Variants in MANBA observed in about 807,000 individuals in gnomAD.
The protein encoded by MANBA is beta-mannosidase.
MANBA carries 83 observed loss-of-function variants against 111.1 expected under a neutral mutation model. The ratio of observed to expected loss-of-function variants is 0.75; its 90% CI spans 0.63 to 0.90. MANBA has a LOEUF of 0.90. Among genes scored for constraint, MANBA ranks in the 40% least tolerant of loss-of-function variants. MANBA has a pLI of 0.00. For missense variants in MANBA, 1,036 were observed against 1,069.0 expected (o/e 0.97, Z 0.43); for synonymous variants, 370 against 378.7 (o/e 0.98, Z 0.27).
At chr4:102,713,707 G>A (rs1722182596) in intron 5 of MANBA, among the ~76,000 whole-genome samples, 1 of 152,060 alleles carries the variant, frequency 6.6e-6, no homozygotes, top group African/African-American at 2.4e-5. Flanking sequence ...TTCGAGACTG[G>A]CCAATATGGA....
intron 1 of MANBA, chr4:102,727,325 G>C: frequency 1.5e-6 from 1 of 667,526 alleles, no homozygotes; most frequent in Non-Finnish European, 2.7e-6. Context: ...CATTGATATA[G>C]TTCTCAGTTT....
intron 1 of MANBA, among the ~76,000 whole-genome samples, chr4:102,759,086 T>C (rs1724134585): frequency 6.6e-6 from 1 of 152,178 alleles, no homozygotes; most frequent in Non-Finnish European, 1.5e-5. Context: ...GGCACAATAA[T>C]CTGACTTACT....
intron 1 of MANBA, chr4:102,730,718 C>T (rs1723002619): frequency 1.9e-6 from 1 of 527,930 alleles, no homozygotes; most frequent in Non-Finnish European, 3.8e-6. Context: ...GGATTCCCTA[C>T]AGATAGATGC....
At chr4:102,663,231 T>C (rs959340267) in intron 11 of MANBA, among the ~76,000 whole-genome samples, 1 of 152,162 alleles carries the variant, frequency 6.6e-6, no homozygotes, top group African/African-American at 2.4e-5. Flanking sequence ...CCATCCATTA[T>C]CTCACTTAGT....
At chr4:102,648,068 A>G (rs1380920434) in intron 13 of MANBA, among the ~76,000 whole-genome samples, 2 of 152,170 alleles carry the variant, frequency 1.3e-5, no homozygotes, top group Non-Finnish European at 2.9e-5. Flanking sequence ...GCAGGTAAAT[A>G]AACAGCGACT....
chr4:102,645,150 G>A (rs1419803903), intron 13 of MANBA, among the ~76,000 whole-genome samples: 1 of 151,668 alleles, frequency 6.6e-6, no homozygotes, highest in African/African-American at 2.4e-5. Flanking sequence ...TACTAATATG[G>A]TTTATTATAC....
chr4:102,748,786 G>A (rs775456291), intron 1 of MANBA, among the ~76,000 whole-genome samples: 8 of 152,052 alleles, frequency 5.3e-5, no homozygotes, highest in East Asian at 3.9e-4. Flanking sequence ...GGTGGCAGGC[G>A]CCTGTAATCC....
intron 12 of MANBA, among the ~76,000 whole-genome samples, chr4:102,651,278 A>G (rs917196145): frequency 2.0e-5 from 3 of 152,022 alleles, no homozygotes; most frequent in Non-Finnish European, 4.4e-5. Flanking sequence ...CACAAACCAA[A>G]TAATGTTACT....
At chr4:102,744,445 T>A (rs983156909) in intron 1 of MANBA, among the ~76,000 whole-genome samples, 4 of 152,224 alleles carry the variant, frequency 2.6e-5, no homozygotes, top group African/African-American at 9.6e-5. Flanking sequence ...CGAACAAGAT[T>A]ATGACATAAA....
At chr4:102,679,336 CAA>C (rs1266849121) in intron 7 of MANBA, among the ~76,000 whole-genome samples, 1 of 151,858 alleles carries the variant, frequency 6.6e-6, no homozygotes, top group Non-Finnish European at 1.5e-5. Flanking sequence ...TTCCATATGA[CAA>C]AGTTATTTTC....
chr4:102,738,804 C>T (rs1446241011), intron 1 of MANBA, among the ~76,000 whole-genome samples: 5 of 152,058 alleles, frequency 3.3e-5, no homozygotes, highest in Non-Finnish European at 7.4e-5. Flanking sequence ...TCGGGTTACT[C>T]AAGGAGGCAC....
intron 5 of MANBA, among the ~76,000 whole-genome samples, chr4:102,709,381 A>G (rs1475577956): frequency 2.2e-5 from 3 of 138,230 alleles, no homozygotes; most frequent in Admixed American, 1.4e-4. Flanking sequence ...AAAGGAAGGA[A>G]GGAAGAAAGA....
At chr4:102,653,220 GCA>G (rs71596357) in intron 12 of MANBA, among the ~76,000 whole-genome samples, 10,246 of 145,010 alleles carry the variant, frequency 0.071, 399 homozygotes, top group Admixed American at 0.11. Context: ...AGATCTACAT[GCA>G]CACACACACA....
intron 3 of MANBA, 41 bp downstream of exon 3, chr4:102,723,821 A>T: frequency 8.9e-7 from 1 of 1,123,352 alleles, no homozygotes; most frequent in Non-Finnish European, 1.3e-6. Context: ...TAACATAAAC[A>T]CACATAAATT....
At position 102,725,421 on chromosome 4, in the gene MANBA, T is replaced by C. The variant is rs564410749; in HGVS notation, c.272+1168A>G. On this transcript the variant is annotated intron_variant, in intron 2 of 16. Coordinates refer to ENST00000647097, the MANE Select transcript of MANBA (RefSeq NM_005908.4). ...GAATTACTTTTAGGTAATCGACTCATATGTGTAATTTGGGCTGGGGAGCTA... is the reference window on the plus strand; with the variant it reads ...GAATTACTTTTAGGTAATCGACTCACATGTGTAATTTGGGCTGGGGAGCTA... Among the ~76,000 whole-genome samples the C allele has an allele frequency of 6.2e-4, 95 of 152,048 alleles. 1 individual carries two copies. Among genetic ancestry groups the C allele is most frequent in the African/African-American group, 2.2e-3 (92 of 41,468 alleles).
intron 1 of MANBA, among the ~76,000 whole-genome samples, chr4:102,749,952 A>G (rs560405444): frequency 6.6e-6 from 1 of 152,308 alleles, no homozygotes; most frequent in South Asian, 2.1e-4. Flanking sequence ...AATACACCTC[A>G]TGTGGCATCA....
At chr4:102,666,450 AG>A (rs1410155127) in intron 10 of MANBA, 1 of 152,244 alleles carries the variant, frequency 6.6e-6, no homozygotes, top group African/African-American at 2.4e-5. Flanking sequence ...AATCTTGCAG[AG>A]GTGACAAATC....
chr4:102,652,028 C>T (rs1456411768), intron 12 of MANBA, among the ~76,000 whole-genome samples: 1 of 152,158 alleles, frequency 6.6e-6, no homozygotes, highest in African/African-American at 2.4e-5. Context: ...TACATGTATA[C>T]AATGTATAAG....
In MANBA at chr4:102,673,870, C is replaced by A. The variant is rs372481320; in HGVS notation, c.1112+49G>T. 1.5e-5 allele frequency: 23 copies of A among 1,528,300 alleles called. No homozygotes were observed. The Middle Eastern group carries it at 5.1e-4, about 34-fold the overall frequency. 94.7% of individuals were successfully genotyped at this position (1,528,300 alleles called of 1,614,324 possible). A position where few individuals can be genotyped will look rare whatever the true frequency, so the allele number is the denominator to read the frequency against. Reference sequence around the variant, plus strand: ...AAAAATGAGTAAACCTCAAGCTTTGCGGGACTGCTAATTAAAAGAAGAACA... The same window carrying A: ...AAAAATGAGTAAACCTCAAGCTTTGAGGGACTGCTAATTAAAAGAAGAACA... On this transcript the variant is annotated intron_variant, in intron 8 of 16. Transcript: ENST00000647097.
Sources: gnomAD v4.1 joint callset for allele counts (sites outside exome capture counted in the v4.1 genomes callset) on GRCh38, gnomAD v4.1.1 for gene constraint, MANE v1.5 for transcripts, NCBI Gene and HGNC (gene_info 2026-07-23, HGNC 2026-07-21) for gene names.